The following NBPF26 variants were observed in gnomAD, a reference collection of about 807,000 sequenced individuals.
NBPF26 encodes NBPF member 26.
A neutral mutation model predicts 119.6 loss-of-function variants in NBPF26; 79 were observed. That is an observed-to-expected ratio of 0.66 (90% CI 0.55 to 0.80). NBPF26 has a LOEUF of 0.80. Ranked by LOEUF, NBPF26 falls within the 30% of genes least tolerant of loss-of-function variation. NBPF26 has a pLI of 0.00. For synonymous variants in NBPF26, 299 were observed against 457.7 expected, an observed-to-expected ratio of 0.65 and a Z score of 4.43; for missense variants, 800 against 1,198.2, an observed-to-expected ratio of 0.67 and a Z score of 4.91.
chr1:120,805,381 A>G (rs1553269604), intron 4 of NBPF26, 175 bp from the exon 5 acceptor site: 1 of 1,097,360 alleles, frequency 9.1e-7, no homozygotes, highest in Non-Finnish European at 1.3e-6. Flanking sequence ...CTCTGAGTTG[A>G]GGCACCTCGA....
Position 120,793,374 on chromosome 1 carries a change from T to C in NBPF26, c.629T>C (p.Leu210Pro), listed in dbSNP as rs1410142961. 1.6e-4 allele frequency: 229 copies of C among 1,433,330 alleles called. 43 individuals carry two copies. Among genetic ancestry groups the C allele is most frequent in the Middle Eastern group, 1.8e-4 (1 of 5,648 alleles). 88.8% of individuals were successfully genotyped at this position (1,433,330 alleles called of 1,614,324 possible). The change falls in exon 4 of 30, where the codon CTT becomes CCT. Residue 210 changes from leucine to proline, a missense_variant. Leu to Pro is a moderately conservative substitution (Grantham distance 98). Transcript: ENST00000620612. ...CCTGGTTCCTACCAGTGCCAGTGCC[T>C]TCAGGGCTTCACAGGCCAGTACTGT...
At position 120,739,934 on chromosome 1, in the gene NBPF26, A is replaced by AC. The variant is rs1199317090; in HGVS notation, c.73+15686dup. ...CATGGCCAACACAAGATTATGGATC[A>AC]CCTAAAGAGTAGACTAAAAGTACTA... On this transcript the variant is annotated intron_variant, in intron 1 of 29. Transcript: ENST00000620612. Among the ~76,000 whole-genome samples the AC allele has an allele frequency of 6.6e-5, 2 of 30,278 alleles. 1 individual carries two copies. The highest frequency in any genetic ancestry group is 1.2e-4 in the Non-Finnish European group (2 of 17,180). The allele number at this position is 30,278 out of a possible 152,430, so 19.9% of individuals were successfully genotyped here. A position where few individuals can be genotyped will look rare whatever the true frequency, so the allele number is the denominator to read the frequency against.
chr1:120,840,616 G>C, exon 30 of NBPF26: 2 of 1,453,002 alleles, frequency 1.4e-6, no homozygotes, highest in East Asian at 2.3e-5. Context: ...AAGCCGAGAG[G>C]TGTCATTCCT....
At chr1:120,840,425 G>C in exon 30 of NBPF26, 1 of 1,469,678 alleles carries the variant, frequency 6.8e-7, no homozygotes, top group Non-Finnish European at 9.2e-7. Flanking sequence ...ATTCGACTCC[G>C]TCAATGTACT....
Position 120,819,153 on chromosome 1 carries a change from T to C in NBPF26, c.2423+979T>C, listed in dbSNP as rs1191120206. ...TCTCTCAGGACTTGCTTTATGAATC[T>C]GGGTGCTCCTGTTTAGGGTGCATAT... On this transcript the variant is annotated intron_variant, in intron 15 of 29. Transcript: ENST00000620612. Among the ~76,000 whole-genome samples, 4 of 125,154 alleles carry C rather than the reference T, an allele frequency of 3.2e-5. 1 individual carries two copies. Among genetic ancestry groups the C allele is most frequent in the Middle Eastern group, 3.5e-3 (1 of 288 alleles). 82.1% of individuals were successfully genotyped at this position (125,154 alleles called of 152,430 possible).
chr1:120,823,410 T>C (rs2101536142), intron 17 of NBPF26, 50 bp downstream of exon 17: 2 of 740,426 alleles, frequency 2.7e-6, no homozygotes, highest in East Asian at 2.5e-5. Context: ...CACCTGGAGA[T>C]GCCAAGTCCA....
intron 3 of NBPF26, among the ~76,000 whole-genome samples, chr1:120,790,527 T>TCTCC (rs1287959193): frequency 1.9e-5 from 2 of 104,624 alleles, no homozygotes; most frequent in African/African-American, 6.0e-5. Flanking sequence ...TTTCTTTCTT[T>TCTCC]CTCCCTCCCT....
intron 6 of NBPF26, among the ~76,000 whole-genome samples, 153 bp from the exon 7 acceptor site, chr1:120,808,392 C>T (rs1227824428): frequency 1.7e-5 from 2 of 118,592 alleles, no homozygotes; most frequent in African/African-American, 9.3e-5. Context: ...ATTTTCTATT[C>T]TTTCTCTTGG....
chr1:120,733,130 TA>T lies in NBPF26; in HGVS notation c.73+8881del, dbSNP rs1571019680. Among the ~76,000 whole-genome samples the T allele has an allele frequency of 6.6e-4, 61 of 92,750 alleles. 15 individuals are homozygous for T. Among genetic ancestry groups the T allele is most frequent in the African/African-American group, 2.1e-3 (28 of 13,422 alleles). 60.8% of individuals were successfully genotyped at this position (92,750 alleles called of 152,430 possible). On this transcript the variant is annotated intron_variant, in intron 1 of 29. Coordinates refer to ENST00000620612, the Ensembl canonical transcript of NBPF26. ...ATTTATTTTTATATATATATATATATATGTTTAGTTTATGAACAGATCTACA... is the reference window on the plus strand; with the variant it reads ...ATTTATTTTTATATATATATATATATTGTTTAGTTTATGAACAGATCTACA...
intron 8 of NBPF26, 112 bp downstream of exon 8, chr1:120,809,995 C>A (rs1203648139): frequency 2.8e-6 from 4 of 1,436,340 alleles, no homozygotes; most frequent in African/African-American, 3.8e-5. Context: ...CCCTTGGCCA[C>A]AGTATGTGAA....
rs1202984244 is a variant in NBPF26, at chr1:120,838,540, G to T, written c.3822-205G>T. 4.8e-5 allele frequency among the ~76,000 whole-genome samples: 4 copies of T among 82,890 alleles called. No homozygotes were observed. In the Admixed American group the frequency reaches 5.7e-4, roughly 12 times the overall value. The allele number at this position is 82,890 out of a possible 152,430, so 54.4% of individuals were successfully genotyped here. A position where few individuals can be genotyped will look rare whatever the true frequency, so the allele number is the denominator to read the frequency against. On this transcript the variant is annotated intron_variant, in intron 27 of 29. Coordinates refer to ENST00000620612, the Ensembl canonical transcript of NBPF26. Reference sequence around the variant, plus strand: ...TGTGTGTGTGTGTGTGTGTGTGTGTGTGTGTGTCTATCTGTCTTTCTCTTT... The same window carrying T: ...TGTGTGTGTGTGTGTGTGTGTGTGTTTGTGTGTCTATCTGTCTTTCTCTTT...
At chr1:120,823,851 C>A in intron 17 of NBPF26, 123 bp from the exon 18 acceptor site, 2 of 548,442 alleles carry the variant, frequency 3.6e-6, no homozygotes, top group East Asian at 2.9e-5. Context: ...AATCTGTTAC[C>A]TCATTAATGG....
intron 4 of NBPF26, 128 bp from the exon 5 acceptor site, chr1:120,805,428 G>A (rs1300459062): frequency 7.6e-7 from 1 of 1,318,608 alleles, no homozygotes; most frequent in Admixed American, 2.2e-5. Flanking sequence ...AAAGTGCTGT[G>A]GGGAGTGATC....
In NBPF26 at chr1:120,783,980, A is replaced by C. The variant is rs1651394402; in HGVS notation, c.156-994A>C. On this transcript the variant is annotated intron_variant, in intron 2 of 29. Transcript: ENST00000620612. Reference sequence around the variant, plus strand: ...TTTTAGAAAACAGTTTCTAAGCAATAATTAGAATTAAAGTTTTGTTGCAGA... The same window carrying C: ...TTTTAGAAAACAGTTTCTAAGCAATCATTAGAATTAAAGTTTTGTTGCAGA... 1.8e-5 allele frequency among the ~76,000 whole-genome samples: 2 copies of C among 111,170 alleles called. 1 individual carries two copies. The highest frequency in any genetic ancestry group is 3.4e-5 in the Non-Finnish European group (2 of 58,924). 72.9% of individuals were successfully genotyped at this position (111,170 alleles called of 152,430 possible).
Position 120,779,388 on chromosome 1 carries a change from T to A in NBPF26, c.156-5586T>A, listed in dbSNP as rs1206067539. ...TAAGTATTCAGATTAGTTTATGGAG[T>A]TTAAAATGGAAAAATGCTCCCCAAA... On this transcript the variant is annotated intron_variant, in intron 2 of 29. Transcript: ENST00000620612. Among the ~76,000 whole-genome samples the A allele has an allele frequency of 3.0e-5, 3 of 101,004 alleles. No individual in the cohort carries two copies. The East Asian group carries it at 6.5e-4, about 22-fold the overall frequency. The allele number at this position is 101,004 out of a possible 152,430, so 66.3% of individuals were successfully genotyped here.
chr1:120,769,582 T>C (rs1419879619), intron 2 of NBPF26, among the ~76,000 whole-genome samples: 7 of 122,544 alleles, frequency 5.7e-5, no homozygotes, highest in South Asian at 2.4e-4. Flanking sequence ...ATGCTGTTTT[T>C]TTGGCTCATT....
Position 120,824,041 on chromosome 1 carries a change from T to C in NBPF26, c.2707T>C (p.Ser903Pro). The change falls in exon 18 of 30, where the codon TCA (serine) becomes CCA (proline). Residue 903 changes from serine (S) to proline (P), a missense_variant. Ser to Pro is a moderately conservative substitution (Grantham distance 74). Transcript: ENST00000620612. Reference sequence around the variant, plus strand: ...GCAGGACTCACTGGATAGATGTTATTCAACTCCTTCAGGTTGTCTTGAACT... The same window carrying C: ...GCAGGACTCACTGGATAGATGTTATCCAACTCCTTCAGGTTGTCTTGAACT... The C allele has an allele frequency of 2.6e-5, 14 of 537,574 alleles. 1 individual carries two copies. The highest frequency in any genetic ancestry group is 2.1e-4 in the South Asian group (11 of 51,944). The allele number at this position is 537,574 out of a possible 1,614,324, so 33.3% of individuals were successfully genotyped here.
Position 120,840,226 on chromosome 1 carries a change from C to A in NBPF26, c.4104-124C>A. 4.4e-6 allele frequency: 6 copies of A among 1,352,932 alleles called. 2 individuals are homozygous for A. The highest frequency in any genetic ancestry group is 5.8e-6 in the Non-Finnish European group (6 of 1,029,056). The allele number at this position is 1,352,932 out of a possible 1,614,324, so 83.8% of individuals were successfully genotyped here. A position where few individuals can be genotyped will look rare whatever the true frequency, so the allele number is the denominator to read the frequency against. On this transcript the variant is annotated intron_variant, in intron 29 of 29. Coordinates refer to ENST00000620612, the Ensembl canonical transcript of NBPF26. ...ATAAAGGCAATAAATTTTTTTTTTA[C>A]CTCATTAATGGATCTATCCTTTTTC...
intron 1 of NBPF26, among the ~76,000 whole-genome samples, chr1:120,742,302 TGTGTGTGTGC>T (rs1382590039): frequency 2.9e-4 from 9 of 30,658 alleles, no homozygotes; most frequent in South Asian, 1.0e-3. Flanking sequence ...TTTAACTCTG[TGTGTGTGTGC>T]GTGTGTGTGT....
Sources: gnomAD v4.1 joint callset for allele counts (sites outside exome capture counted in the v4.1 genomes callset) on GRCh38, gnomAD v4.1.1 for gene constraint, MANE v1.5 for transcripts, NCBI Gene and HGNC (gene_info 2026-07-23, HGNC 2026-07-21) for gene names.